The following CRACR2A variants were observed in gnomAD, a reference collection of about 807,000 sequenced individuals.
The protein encoded by CRACR2A is calcium release activated channel regulator 2A.
Under a neutral mutation model 90.5 loss-of-function variants are expected in CRACR2A, and 79 were observed. The observed-to-expected ratio is 0.87, with a 90% CI of 0.73 to 1.05. The LOEUF (loss-of-function observed/expected upper bound fraction) is 1.05. Ranked by LOEUF, CRACR2A falls within the 50% of genes least tolerant of loss-of-function variation. The pLI, the probability that CRACR2A is intolerant of heterozygous loss-of-function variation, is 0.00. For synonymous variants in CRACR2A, 338 were observed against 356.7 expected, an observed-to-expected ratio of 0.95 and a Z score of 0.59; for missense variants, 823 against 897.2, an observed-to-expected ratio of 0.92 and a Z score of 1.06.
intron 2 of CRACR2A, among the ~76,000 whole-genome samples, chr12:3,724,368 G>A (rs994768193): frequency 4.6e-5 from 7 of 152,200 alleles, no homozygotes; most frequent in Admixed American, 2.0e-4. Context: ...TGCTTTCATG[G>A]GCATTGTTAA....
At chr12:3,693,001 C>T (rs770169774) in intron 4 of CRACR2A, among the ~76,000 whole-genome samples, 40 of 152,114 alleles carry the variant, frequency 2.6e-4, no homozygotes, top group Admixed American at 1.9e-3. Context: ...TCTGTGCCCC[C>T]CAACGCTCCA....
chr12:3,634,462 G>C (rs1243564935), intron 14 of CRACR2A, among the ~76,000 whole-genome samples: 1 of 152,196 alleles, frequency 6.6e-6, no homozygotes, highest in African/African-American at 2.4e-5. Context: ...GGGCCCAGCA[G>C]AGGGAAACGG....
At chr12:3,634,599 C>T (rs1471931343) in intron 14 of CRACR2A, among the ~76,000 whole-genome samples, 2 of 152,226 alleles carry the variant, frequency 1.3e-5, no homozygotes, top group East Asian at 1.9e-4. Flanking sequence ...CAGGAGCTGC[C>T]GCTCAAACGC....
At chr12:3,723,664 C>T (rs1217340820) in intron 2 of CRACR2A, among the ~76,000 whole-genome samples, 1 of 152,080 alleles carries the variant, frequency 6.6e-6, no homozygotes, top group South Asian at 2.1e-4. Flanking sequence ...CGTTAAGAGG[C>T]CAGGCCTTTC....
At chr12:3,692,577 T>C (rs1945668172) in intron 4 of CRACR2A, among the ~76,000 whole-genome samples, 1 of 152,132 alleles carries the variant, frequency 6.6e-6, no homozygotes, top group Non-Finnish European at 1.5e-5. Flanking sequence ...GTGGGTGGTG[T>C]CAGCCAGCCA....
intron 4 of CRACR2A, among the ~76,000 whole-genome samples, chr12:3,686,804 A>G (rs555599741): frequency 6.6e-6 from 1 of 152,318 alleles, no homozygotes; most frequent in South Asian, 2.1e-4. Flanking sequence ...GAGGAGTCAT[A>G]AGGGAGGCTG....
At chr12:3,678,509 G>A (rs1945378414) in intron 6 of CRACR2A, among the ~76,000 whole-genome samples, 1 of 152,118 alleles carries the variant, frequency 6.6e-6, no homozygotes, top group African/African-American at 2.4e-5. Flanking sequence ...TAAAGATGCT[G>A]GGGAGCTGAT....
rs114949999 is a variant in CRACR2A, at chr12:3,688,888, T to C, written c.228+7884A>G. On this transcript the variant is annotated intron_variant, in intron 4 of 19. Transcript: ENST00000440314. ...TGAGCAGTGTTTTTAGTTCTCCTTA[T>C]ACAGATCTTTCACCTTCCTGGTTAG... Among the ~76,000 whole-genome samples the C allele has an allele frequency of 1.4e-3, 220 of 152,280 alleles. 2 individuals are homozygous for C. Among genetic ancestry groups the C allele is most frequent in the African/African-American group, 5.1e-3 (214 of 41,574 alleles).
At chr12:3,670,092 G>C (rs1354251202) in intron 7 of CRACR2A, among the ~76,000 whole-genome samples, 1 of 152,176 alleles carries the variant, frequency 6.6e-6, no homozygotes, top group Non-Finnish European at 1.5e-5. Flanking sequence ...TCAAGGAGAG[G>C]GACTCTATGT....
At chr12:3,652,560 G>C (rs1252809098) in intron 10 of CRACR2A, among the ~76,000 whole-genome samples, 1 of 152,156 alleles carries the variant, frequency 6.6e-6, no homozygotes, top group Non-Finnish European at 1.5e-5. Context: ...AATGGTACAG[G>C]ATTCCGCACA....
chr12:3,706,778 A>G (rs1441946476), intron 3 of CRACR2A, among the ~76,000 whole-genome samples: 1 of 151,708 alleles, frequency 6.6e-6, no homozygotes, highest in African/African-American at 2.4e-5. Flanking sequence ...TTTTTTTATC[A>G]CTTTTAGTAG....
chr12:3,632,339 C>T (rs1944390145), intron 15 of CRACR2A, among the ~76,000 whole-genome samples: 1 of 152,144 alleles, frequency 6.6e-6, no homozygotes, highest in Non-Finnish European at 1.5e-5. Flanking sequence ...TATAGCAGTG[C>T]AAGAATAGAC....
intron 11 of CRACR2A, chr12:3,648,116 C>T (rs888797875): frequency 9.9e-7 from 1 of 1,010,144 alleles, no homozygotes; most frequent in African/African-American, 1.7e-5. Flanking sequence ...TGGTAAATTA[C>T]TTCTTTCCTC....
chr12:3,699,941 C>T (rs1306539326), intron 3 of CRACR2A, among the ~76,000 whole-genome samples: 2 of 152,016 alleles, frequency 1.3e-5, no homozygotes, highest in Admixed American at 6.6e-5. Context: ...ACTTCTGTTT[C>T]CAGAAAAGAT....
At chr12:3,650,438 C>G (rs1045212038) in intron 10 of CRACR2A, among the ~76,000 whole-genome samples, 1 of 152,230 alleles carries the variant, frequency 6.6e-6, no homozygotes, top group Non-Finnish European at 1.5e-5. Context: ...TGCAGAGATG[C>G]AAATTCCTGA....
At chr12:3,658,543 G>A (rs1217916512) in intron 8 of CRACR2A, among the ~76,000 whole-genome samples, 3 of 152,194 alleles carry the variant, frequency 2.0e-5, no homozygotes, top group Non-Finnish European at 4.4e-5. Flanking sequence ...ATGCTGACAA[G>A]CCTCCAGAGG....
chr12:3,697,481 G>A (rs185733212), intron 3 of CRACR2A, among the ~76,000 whole-genome samples: 2 of 152,248 alleles, frequency 1.3e-5, no homozygotes. Flanking sequence ...TTTTAGCAGT[G>A]TGAAAACTGA....
At chr12:3,685,626 T>C (rs1218750305) in intron 4 of CRACR2A, among the ~76,000 whole-genome samples, 2 of 152,184 alleles carry the variant, frequency 1.3e-5, no homozygotes, top group African/African-American at 4.8e-5. Context: ...AATAAGCCAG[T>C]CTCAAAAGGA....
intron 1 of CRACR2A, among the ~76,000 whole-genome samples, chr12:3,733,564 T>C (rs1259251635): frequency 6.6e-6 from 1 of 152,138 alleles, no homozygotes; most frequent in Non-Finnish European, 1.5e-5. Context: ...ATCTGATGTG[T>C]TGACTGCAAC....
Sources: allele counts gnomAD v4.1 joint callset (sites outside exome capture counted in the v4.1 genomes callset), GRCh38; gene constraint gnomAD v4.1.1; transcripts MANE v1.5; gene names NCBI Gene and HGNC (gene_info 2026-07-23, HGNC 2026-07-21).